MAP3K5: variants seen among roughly 807,000 people sequenced by gnomAD.
MAP3K5 encodes the protein mitogen-activated protein kinase kinase kinase 5, also known as ASK-1.
Under a neutral mutation model 158.7 loss-of-function variants are expected in MAP3K5, and 56 were observed. The ratio of observed to expected loss-of-function variants is 0.35; its 90% confidence interval spans 0.28 to 0.44. The LOEUF (loss-of-function observed/expected upper bound fraction) is 0.44, where lower values mean the gene tolerates loss of function less well. Among genes scored for constraint, MAP3K5 ranks in the 20% least tolerant of loss-of-function variants. MAP3K5 has a pLI of 1.00. For synonymous variants in MAP3K5, 579 were observed against 601.7 expected, an observed-to-expected ratio of 0.96 and a Z score of 0.55; for missense variants, 1,294 against 1,674.8, an observed-to-expected ratio of 0.77 and a Z score of 3.97.
intron 19 of MAP3K5, among the ~76,000 whole-genome samples, chr6:136,602,581 GC>G (rs1775925190): frequency 6.6e-6 from 1 of 152,186 alleles, no homozygotes; most frequent in South Asian, 2.1e-4. Flanking sequence ...TGGGATTTCA[GC>G]CACGAGCCAC....
intron 1 of MAP3K5, among the ~76,000 whole-genome samples, chr6:136,766,320 C>T (rs182942733): frequency 3.3e-5 from 5 of 152,336 alleles, no homozygotes; most frequent in African/African-American, 1.2e-4. Flanking sequence ...CAAGGATGAC[C>T]TCTGGAAACA....
chr6:136,592,234 T>C lies in MAP3K5; in HGVS notation c.3164A>G (p.His1055Arg). Reference protein sequence around the residue: ...RKDSERRATLHRILTEDQDKI... With the variant: ...RKDSERRATLRRILTEDQDKI... Reference sequence around the variant, plus strand: ...GTCTTGGTCTTCCGTCAGGATCCTGTGAAGGGTAGCTCGCCTCTCACTGTC... The same window carrying C: ...GTCTTGGTCTTCCGTCAGGATCCTGCGAAGGGTAGCTCGCCTCTCACTGTC... The change falls in exon 23 of 30, where the codon CAC becomes CGC. Residue 1055 changes from histidine to arginine, a missense_variant. Transcript: ENST00000359015. The C allele has an allele frequency of 6.2e-7, 1 of 1,611,240 alleles. No homozygotes were observed. The highest frequency in any genetic ancestry group is 8.5e-7 in the Non-Finnish European group (1 of 1,178,874).
upstream of MAP3K5, chr6:136,792,534 T>A: frequency 1.5e-5 from 3 of 195,340 alleles, no homozygotes; most frequent in Non-Finnish European, 2.4e-5. This position sits in a 1 kb window ranked among gnomAD's most constrained non-coding sequence, Gnocchi z 5.7. Context: ...CAGCCCGCCC[T>A]CGCCACCCGC....
chr6:136,622,759 T>C, intron 15 of MAP3K5, 89 bp downstream of exon 15: 1 of 1,374,856 alleles, frequency 7.3e-7, no homozygotes, highest in South Asian at 1.3e-5. Context: ...CACAGTTTCA[T>C]TCATTAGAAT....
chr6:136,664,639 T>C (rs1779149323), intron 8 of MAP3K5, among the ~76,000 whole-genome samples: 1 of 152,242 alleles, frequency 6.6e-6, no homozygotes, highest in Admixed American at 6.5e-5. Context: ...TTAAACATTT[T>C]TGGTGACAAT....
chr6:136,751,092 T>C (rs1783186707), intron 1 of MAP3K5, among the ~76,000 whole-genome samples: 1 of 151,712 alleles, frequency 6.6e-6, no homozygotes, highest in Non-Finnish European at 1.5e-5. Context: ...TTTGCTCTAA[T>C]GCAGATTTCT....
chr6:136,601,561 T>C (rs1050463926), intron 20 of MAP3K5, among the ~76,000 whole-genome samples: 1 of 152,210 alleles, frequency 6.6e-6, no homozygotes. Context: ...GATGGTGACA[T>C]ATTAACTACC....
At chr6:136,663,130 T>C (rs1459243565) in intron 8 of MAP3K5, among the ~76,000 whole-genome samples, 1 of 151,022 alleles carries the variant, frequency 6.6e-6, no homozygotes, top group Non-Finnish European at 1.5e-5. Flanking sequence ...CACGATGAGT[T>C]AGAGATTATC....
In MAP3K5 at chr6:136,557,631, A is replaced by T; in HGVS notation, c.*127T>A. The stretch of plus-strand genomic sequence containing the variant: ...TTTGTCTGTTTTTTTTTTTTTTAAC[A>T]TGAGTAAACAAATACTGGATTTAAA... On this transcript the variant is annotated 3_prime_UTR_variant, in exon 30 of 30. Coordinates refer to ENST00000359015, the MANE Select transcript of MAP3K5 (RefSeq NM_005923.4). 1 of 567,524 alleles carries T rather than the reference A, an allele frequency of 1.8e-6. No individual in the cohort carries two copies. The highest frequency in any genetic ancestry group is 3.1e-6 in the Non-Finnish European group (1 of 322,442). 35.2% of individuals were successfully genotyped at this position (567,524 alleles called of 1,614,324 possible).
rs1776871585 is a variant in MAP3K5 at position 136,622,902 on chromosome 6, T to TC, written c.2095dup (p.Asp699GlyfsTer11). 6.5e-7 allele frequency: 1 copy of TC among 1,538,842 alleles called. No individual in the cohort carries two copies. Among genetic ancestry groups the TC allele is most frequent in the Non-Finnish European group, 8.8e-7 (1 of 1,134,284 alleles). On this transcript the variant is annotated frameshift_variant, in exon 15 of 30. Transcript: ENST00000359015. LOFTEE classifies it high-confidence loss of function. ...AGCAATTCTGACTTGGTTGCTCAAG[T>TC]CCCGACCTGCGTAGACTATCCCATA...
intron 14 of MAP3K5, among the ~76,000 whole-genome samples, chr6:136,633,532 A>G (rs978435535): frequency 6.6e-6 from 1 of 152,090 alleles, no homozygotes; most frequent in African/African-American, 2.4e-5. Context: ...CTGTTGGCAA[A>G]GTCAGAACCA....
intron 1 of MAP3K5, among the ~76,000 whole-genome samples, chr6:136,774,236 T>C (rs977246340): frequency 3.9e-5 from 6 of 151,936 alleles, no homozygotes; most frequent in African/African-American, 1.5e-4. Flanking sequence ...CATAAACCTC[T>C]AGTATAACAA....
chr6:136,772,110 G>GT (rs1182354673), intron 1 of MAP3K5, among the ~76,000 whole-genome samples: 6 of 131,916 alleles, frequency 4.5e-5, no homozygotes, highest in East Asian at 2.5e-4. Context: ...GGGGGGGGGG[G>GT]TTTACCATGT....
chr6:136,604,777 T>C (rs5880302), intron 19 of MAP3K5, among the ~76,000 whole-genome samples: 1 of 120,342 alleles, frequency 8.3e-6, no homozygotes, highest in South Asian at 2.7e-4. Context: ...CTTTTTTTTT[T>C]AAAAAAAATG....
chr6:136,568,938 A>G (rs1398994101), intron 25 of MAP3K5, among the ~76,000 whole-genome samples: 3 of 151,744 alleles, frequency 2.0e-5, no homozygotes, highest in Admixed American at 6.6e-5. Context: ...TGACTGAAGA[A>G]CCACCTACCC....
At chr6:136,652,598 C>T (rs1024221830) in intron 10 of MAP3K5, among the ~76,000 whole-genome samples, 68 of 152,166 alleles carry the variant, frequency 4.5e-4, no homozygotes, top group African/African-American at 1.4e-3. Context: ...TTTCCCAAAA[C>T]ATCATCCAAC....
At chr6:136,585,307 TG>T (rs1775075839) in intron 23 of MAP3K5, among the ~76,000 whole-genome samples, 1 of 151,082 alleles carries the variant, frequency 6.6e-6, no homozygotes, top group African/African-American at 2.4e-5. Flanking sequence ...TTGTAGAGAC[TG>T]GGTTTTGCTA....
chr6:136,718,367 C>T (rs67196003), intron 2 of MAP3K5, among the ~76,000 whole-genome samples: 52,521 of 151,922 alleles, frequency 0.35, 11,313 homozygotes, highest in Non-Finnish European at 0.46. Context: ...CCACACCTGG[C>T]TAATTTTTGT....
At chr6:136,631,797 T>C (rs1777369900) in intron 14 of MAP3K5, among the ~76,000 whole-genome samples, 2 of 152,084 alleles carry the variant, frequency 1.3e-5, no homozygotes, top group Non-Finnish European at 2.9e-5. Context: ...CTCTTTTACT[T>C]GGACACCTGG....
Sources: gnomAD v4.1 joint callset for allele counts (sites outside exome capture counted in the v4.1 genomes callset) on GRCh38, gnomAD v4.1.1 for gene constraint, Gnocchi (gnomAD v3.1) non-coding constraint, MANE v1.5 for transcripts, NCBI Gene and HGNC (gene_info 2026-07-23, HGNC 2026-07-21) for gene names.